Variants in GRIK2 observed in about 807,000 individuals in gnomAD.
The protein encoded by GRIK2 is glutamate ionotropic receptor kainate type subunit 2.
In GRIK2, 32 loss-of-function variants were observed where a neutral mutation model predicts 100.3. The observed-to-expected ratio is 0.32, with a 90% CI of 0.24 to 0.43. GRIK2 has a LOEUF of 0.43. Ranked by LOEUF, GRIK2 falls within the 20% of genes least tolerant of loss-of-function variation. GRIK2 has a pLI of 1.00. For synonymous variants in GRIK2, 417 were observed against 389.4 expected (o/e 1.07, Z -0.83); for missense variants, 843 against 1,114.9 (o/e 0.76, Z 3.47).
At chr6:101,635,570 C>T (rs1780964569) in intron 4 of GRIK2, among the ~76,000 whole-genome samples, 1 of 151,952 alleles carries the variant, frequency 6.6e-6, no homozygotes, top group Admixed American at 6.6e-5. Context: ...GAACAGGCAA[C>T]CTAGAGAATG....
intron 7 of GRIK2, among the ~76,000 whole-genome samples, chr6:101,783,023 A>T (rs1250097398): frequency 6.6e-6 from 1 of 151,396 alleles, no homozygotes; most frequent in Non-Finnish European, 1.5e-5. Flanking sequence ...TGCCCGGCTA[A>T]TTTTTTTTGT....
intron 2 of GRIK2, among the ~76,000 whole-genome samples, chr6:101,445,196 T>C (rs2128247325): frequency 6.6e-6 from 1 of 152,246 alleles, no homozygotes; most frequent in Non-Finnish European, 1.5e-5. Flanking sequence ...TCTCTTGCCA[T>C]TGTATTTAGA....
chr6:101,711,282 G>A (rs1222952), intron 7 of GRIK2, among the ~76,000 whole-genome samples: 1 of 151,694 alleles, frequency 6.6e-6, no homozygotes, highest in African/African-American at 2.4e-5. Flanking sequence ...TTCACTGACT[G>A]TATAGTAAAT....
intron 14 of GRIK2, among the ~76,000 whole-genome samples, chr6:101,969,545 G>A (rs910629545): frequency 3.3e-5 from 5 of 152,002 alleles, no homozygotes; most frequent in Admixed American, 3.3e-4. Context: ...GAATAAAGGA[G>A]TAATACTGAG....
rs527629689 is a variant in GRIK2 at position 101,572,430 on chromosome 6, C to T, written c.116-49519C>T. ...TTGTTAATGTTTTACTGTAAGTGTG[C>T]GTAATACAATATGCTATAAGCATTT... On this transcript the variant is annotated intron_variant, in intron 2 of 16. Transcript: ENST00000369134. 8.2e-4 allele frequency among the ~76,000 whole-genome samples: 124 copies of T among 152,052 alleles called. 1 individual carries two copies. The highest frequency in any genetic ancestry group is 2.7e-3 in the African/African-American group (113 of 41,454).
chr6:101,704,595 A>T (rs1773125798), intron 7 of GRIK2, among the ~76,000 whole-genome samples: 1 of 151,704 alleles, frequency 6.6e-6, no homozygotes, highest in Admixed American at 6.6e-5. Context: ...TATTTGTTTA[A>T]CAATTTAAAT....
intron 14 of GRIK2, among the ~76,000 whole-genome samples, chr6:101,969,110 T>C (rs969510563): frequency 3.3e-5 from 5 of 151,990 alleles, no homozygotes; most frequent in African/African-American, 4.8e-5. Flanking sequence ...TAACATGTTA[T>C]AGAAGTAGGG....
At chr6:101,443,913 C>T (rs1770223354) in intron 2 of GRIK2, among the ~76,000 whole-genome samples, 1 of 151,398 alleles carries the variant, frequency 6.6e-6, no homozygotes, top group South Asian at 2.1e-4. Flanking sequence ...AAGATGGGCT[C>T]TCACTCTGTC....
At chr6:101,708,072 T>A (rs1773461478) in intron 7 of GRIK2, among the ~76,000 whole-genome samples, 1 of 151,742 alleles carries the variant, frequency 6.6e-6, no homozygotes, top group African/African-American at 2.4e-5. Flanking sequence ...CAACAGTAAA[T>A]AAATGTTACA....
At chr6:101,880,626 G>C (rs1041993838) in intron 11 of GRIK2, among the ~76,000 whole-genome samples, 2 of 151,978 alleles carry the variant, frequency 1.3e-5, no homozygotes, top group African/African-American at 4.8e-5. Flanking sequence ...CTAGTGAAGG[G>C]ATGATAATTA....
chr6:101,879,667 G>T (rs1021083431), intron 11 of GRIK2, among the ~76,000 whole-genome samples: 1 of 127,240 alleles, frequency 7.9e-6, no homozygotes, highest in African/African-American at 2.9e-5. Context: ...TAATTTGGTT[G>T]ATCTCACTAC....
chr6:101,500,529 T>C (rs532877853), intron 2 of GRIK2, among the ~76,000 whole-genome samples: 30 of 152,096 alleles, frequency 2.0e-4, no homozygotes, highest in African/African-American at 7.2e-4. Flanking sequence ...AACATGATCA[T>C]GATGAATTTT....
At chr6:101,540,002 G>A (rs1017456589) in intron 2 of GRIK2, among the ~76,000 whole-genome samples, 16 of 151,706 alleles carry the variant, frequency 1.1e-4, no homozygotes, top group Non-Finnish European at 1.8e-4. Context: ...TTTGGCCTTT[G>A]AATTTGTTCC....
intron 2 of GRIK2, among the ~76,000 whole-genome samples, chr6:101,567,291 T>C (rs573878677): frequency 6.6e-6 from 1 of 152,032 alleles, no homozygotes; most frequent in African/African-American, 2.4e-5. Context: ...ATCTCTCTTG[T>C]CATATTGTAG....
intron 15 of GRIK2, among the ~76,000 whole-genome samples, chr6:102,038,114 C>T (rs887993949): frequency 6.6e-6 from 1 of 151,296 alleles, no homozygotes; most frequent in Non-Finnish European, 1.5e-5. Flanking sequence ...ATCTCAGGTC[C>T]ATTTAAATGC....
intron 2 of GRIK2, among the ~76,000 whole-genome samples, chr6:101,595,714 G>GTATATATATATATATATATATATATA (rs1213458153): frequency 2.2e-4 from 28 of 129,614 alleles, no homozygotes; most frequent in Non-Finnish European, 3.2e-4. Context: ...GTGTGTGTGT[G>GTATATATATATATATATATATATATA]TGTGTATATA....
At chr6:101,394,979 C>A (rs1774948771) in intron 1 of GRIK2, among the ~76,000 whole-genome samples, 2 of 152,120 alleles carry the variant, frequency 1.3e-5, no homozygotes, top group Admixed American at 1.3e-4. Context: ...TAAATTTATT[C>A]CACTTCAATT....
chr6:101,428,781 G>A (rs147886671), intron 2 of GRIK2, among the ~76,000 whole-genome samples: 86 of 152,278 alleles, frequency 5.6e-4, no homozygotes, highest in African/African-American at 2.0e-3. Flanking sequence ...CCTAAGGAAC[G>A]TTAAGTGTTG....
chr6:101,424,821 G>GT (rs1776618881), intron 2 of GRIK2, among the ~76,000 whole-genome samples: 2 of 150,658 alleles, frequency 1.3e-5, no homozygotes, highest in African/African-American at 2.5e-5. Flanking sequence ...GTGGTGTTTG[G>GT]TTTTTTGTCC....
Sources: gnomAD v4.1 joint callset for allele counts (sites outside exome capture counted in the v4.1 genomes callset) on GRCh38, gnomAD v4.1.1 for gene constraint, MANE v1.5 for transcripts, NCBI Gene and HGNC (gene_info 2026-07-23, HGNC 2026-07-21) for gene names.